The following FSIP1 variants were observed in gnomAD, a reference collection of about 807,000 sequenced individuals.
The protein encoded by FSIP1 is fibrous sheath interacting protein 1, also known as fibrous sheath-interacting protein 1.
A neutral mutation model predicts 60.9 loss-of-function variants in FSIP1; 65 were observed. The observed-to-expected ratio is 1.07, with a 90% CI of 0.87 to 1.31. The LOEUF (loss-of-function observed/expected upper bound fraction) is 1.31. Among genes scored for constraint, FSIP1 ranks in the 40% most tolerant of loss-of-function variants. The pLI, the probability that FSIP1 is intolerant of heterozygous loss-of-function variation, is 0.00. For missense variants in FSIP1, 675 were observed against 665.5 expected (o/e 1.01, Z -0.16); for synonymous variants, 209 against 221.2 (o/e 0.94, Z 0.49).
At chr15:39,709,362 G>A (rs1056447811) in intron 10 of FSIP1, among the ~76,000 whole-genome samples, 4 of 152,192 alleles carry the variant, frequency 2.6e-5, no homozygotes, top group African/African-American at 9.7e-5. Context: ...TCTGGTTGGA[G>A]GGCAGTAGAC....
rs117594215 is a variant in FSIP1, at chr15:39,757,898, T to C, written c.559+5923A>G. 5.9e-5 allele frequency among the ~76,000 whole-genome samples: 9 copies of C among 152,256 alleles called. No individual in the cohort carries two copies. In the East Asian group the frequency reaches 1.7e-3, roughly 29 times the overall value. On this transcript the variant is annotated intron_variant, in intron 5 of 11. Coordinates refer to ENST00000350221, the MANE Select transcript of FSIP1 (RefSeq NM_152597.5). ...TTACGTTGACCCTACTTTTGCATCT[T>C]ACCTGCTTTGCACACACTGCCAATA...
downstream of FSIP1, chr15:39,597,615 A>G (rs1159794445): frequency 6.6e-6 from 1 of 152,170 alleles, no homozygotes; most frequent in East Asian, 1.9e-4. Flanking sequence ...ATTGAGAAAG[A>G]CTGAGTTGCT....
intron 9 of FSIP1, among the ~76,000 whole-genome samples, chr15:39,723,492 GT>G (rs1896066437): frequency 6.6e-6 from 1 of 152,354 alleles, no homozygotes; most frequent in Middle Eastern, 3.4e-3. Flanking sequence ...GCCTCCCAAA[GT>G]GCTGGGATTA....
At chr15:39,662,595 T>C (rs12903514) in intron 10 of FSIP1, among the ~76,000 whole-genome samples, 116,735 of 151,952 alleles carry the variant, frequency 0.77, 45,899 homozygotes, top group Non-Finnish European at 0.87. Context: ...AGGTCTTCTC[T>C]AGCCTTCCAC....
At chr15:39,723,956 T>C (rs1384930670) in intron 9 of FSIP1, among the ~76,000 whole-genome samples, 1 of 152,362 alleles carries the variant, frequency 6.6e-6, no homozygotes, top group East Asian at 1.9e-4. Flanking sequence ...CAAAGGGAAA[T>C]TGAACAAAAG....
At chr15:39,606,371 G>A (rs1042400844) in intron 11 of FSIP1, among the ~76,000 whole-genome samples, 3 of 152,140 alleles carry the variant, frequency 2.0e-5, no homozygotes, top group East Asian at 1.9e-4. Context: ...ATATCTATGG[G>A]ATACACAGTG....
At chr15:39,762,815 A>G (rs1004396400) in intron 5 of FSIP1, among the ~76,000 whole-genome samples, 1 of 152,200 alleles carries the variant, frequency 6.6e-6, no homozygotes, top group South Asian at 2.1e-4. Context: ...CATGGACTCC[A>G]TCTCTAAATG....
At chr15:39,725,866 C>T (rs1896171957) in intron 9 of FSIP1, among the ~76,000 whole-genome samples, 1 of 151,724 alleles carries the variant, frequency 6.6e-6, no homozygotes, top group Non-Finnish European at 1.5e-5. Flanking sequence ...CTCACTGCAA[C>T]CTCCACCTCC....
At chr15:39,740,157 C>G (rs1323571360) in intron 6 of FSIP1, among the ~76,000 whole-genome samples, 3 of 152,144 alleles carry the variant, frequency 2.0e-5, no homozygotes, top group African/African-American at 7.2e-5. Flanking sequence ...AGTCTTGACA[C>G]AAAACAAAAA....
chr15:39,761,926 A>G (rs1310994932), intron 5 of FSIP1, among the ~76,000 whole-genome samples: 2 of 152,200 alleles, frequency 1.3e-5, no homozygotes, highest in Non-Finnish European at 2.9e-5. Flanking sequence ...TGGGCCAGGA[A>G]TTTGAGGGAC....
chr15:39,782,048 G>T (rs1898284787), intron 1 of FSIP1, among the ~76,000 whole-genome samples: 1 of 152,180 alleles, frequency 6.6e-6, no homozygotes, highest in South Asian at 2.1e-4. Flanking sequence ...TATTAGAATT[G>T]CTGAGTCAAA....
chr15:39,655,463 T>C (rs1217322658), intron 10 of FSIP1, among the ~76,000 whole-genome samples: 1 of 152,222 alleles, frequency 6.6e-6, no homozygotes, highest in Non-Finnish European at 1.5e-5. Context: ...CAATCAATTC[T>C]TCTGCTGATT....
intron 10 of FSIP1, among the ~76,000 whole-genome samples, chr15:39,688,044 T>C (rs1026506214): frequency 3.9e-5 from 6 of 152,188 alleles, no homozygotes; most frequent in Non-Finnish European, 5.9e-5. Flanking sequence ...CATGGAACTA[T>C]ATTGGTAGGA....
In FSIP1 at chr15:39,607,696, A is replaced by G. The variant is rs188984938; in HGVS notation, c.1700-6770T>C. Among the ~76,000 whole-genome samples the G allele has an allele frequency of 2.6e-4, 39 of 152,354 alleles. 1 individual carries two copies. The highest frequency in any genetic ancestry group is 8.8e-5 in the Non-Finnish European group (6 of 68,022). On this transcript the variant is annotated intron_variant, in intron 11 of 11. Coordinates refer to ENST00000350221, the MANE Select transcript of FSIP1 (RefSeq NM_152597.5). ...AGTTTGGTTTTAGTTTTGAAGCCTTATCTGACTCTGCCTTTTAGAAGCACA... is the reference window on the plus strand; with the variant it reads ...AGTTTGGTTTTAGTTTTGAAGCCTTGTCTGACTCTGCCTTTTAGAAGCACA...
chr15:39,668,818 C>T (rs999082054), intron 10 of FSIP1, among the ~76,000 whole-genome samples: 1 of 152,014 alleles, frequency 6.6e-6, no homozygotes. Context: ...GACTGGCCAC[C>T]CATTTAAAAA....
chr15:39,631,004 TGC>T (rs1436659340), intron 10 of FSIP1, among the ~76,000 whole-genome samples: 1 of 152,206 alleles, frequency 6.6e-6, no homozygotes, highest in African/African-American at 2.4e-5. Context: ...CATCAGGCTG[TGC>T]CATCCCAGTA....
chr15:39,644,101 C>G (rs1892487026), intron 10 of FSIP1, among the ~76,000 whole-genome samples: 1 of 152,216 alleles, frequency 6.6e-6, no homozygotes, highest in Non-Finnish European at 1.5e-5. Context: ...CCCAGTTACA[C>G]TTTGAGATTT....
chr15:39,717,650 A>C (rs1895792769), intron 9 of FSIP1, among the ~76,000 whole-genome samples: 1 of 152,242 alleles, frequency 6.6e-6, no homozygotes, highest in African/African-American at 2.4e-5. Context: ...AGAGCAAAAC[A>C]GCTATAAGCT....
chr15:39,725,497 C>G (rs1420612401), intron 9 of FSIP1, among the ~76,000 whole-genome samples: 1 of 152,180 alleles, frequency 6.6e-6, no homozygotes, highest in Non-Finnish European at 1.5e-5. Flanking sequence ...AGATCCCCAG[C>G]CTTCAAGTGA....
Sources: gnomAD v4.1 joint callset for allele counts (sites outside exome capture counted in the v4.1 genomes callset) on GRCh38, gnomAD v4.1.1 for gene constraint, MANE v1.5 for transcripts, NCBI Gene and HGNC (gene_info 2026-07-23, HGNC 2026-07-21) for gene names.